ADAMTSL3: variants seen among roughly 807,000 people sequenced by gnomAD.
ADAMTSL3 encodes the protein ADAMTS like 3.
ADAMTSL3 carries 128 observed loss-of-function variants against 201.7 expected under a neutral mutation model. The observed-to-expected ratio is 0.63, with a 90% CI of 0.55 to 0.73. ADAMTSL3 has a LOEUF of 0.73. Ranked by LOEUF, ADAMTSL3 falls within the 30% of genes least tolerant of loss-of-function variation. The pLI, the probability that ADAMTSL3 is intolerant of heterozygous loss-of-function variation, is 0.00. For missense variants in ADAMTSL3, 1,990 were observed against 2,119.6 expected (o/e 0.94, Z 1.20); for synonymous variants, 738 against 748.4 (o/e 0.99, Z 0.23).
chr15:83,704,662 G>T (rs1462181225), intron 3 of ADAMTSL3, among the ~76,000 whole-genome samples, 154 bp downstream of exon 3: 3 of 152,154 alleles, frequency 2.0e-5, no homozygotes, highest in Non-Finnish European at 4.4e-5. Flanking sequence ...AGAATATGTG[G>T]ATTGCCCATG....
At chr15:83,822,039 G>A (rs1339548503) in intron 6 of ADAMTSL3, among the ~76,000 whole-genome samples, 17 of 147,798 alleles carry the variant, frequency 1.2e-4, no homozygotes, top group African/African-American at 3.7e-4. Flanking sequence ...GTGGCTGGCC[G>A]GGCAGAGGGG....
At chr15:84,014,398 A>C (rs998498982) in intron 23 of ADAMTSL3, 144 bp from the exon 24 acceptor site, 12 of 749,700 alleles carry the variant, frequency 1.6e-5, no homozygotes, top group Non-Finnish European at 2.2e-5. Context: ...TAGCTATAGA[A>C]ATAGAAATAG....
intron 6 of ADAMTSL3, among the ~76,000 whole-genome samples, chr15:83,837,278 T>C (rs1425408940): frequency 6.6e-6 from 1 of 151,256 alleles, no homozygotes; most frequent in Admixed American, 6.6e-5. Context: ...AGATAAAGAC[T>C]ATAGACAGAT....
chr15:83,906,083 C>T (rs571086603), intron 15 of ADAMTSL3, among the ~76,000 whole-genome samples: 6 of 152,176 alleles, frequency 3.9e-5, no homozygotes, highest in South Asian at 2.1e-4. Context: ...TTTAAAATGA[C>T]GTCATTGTAC....
chr15:84,018,949 A>G (rs1220008791), intron 25 of ADAMTSL3, among the ~76,000 whole-genome samples: 1 of 152,194 alleles, frequency 6.6e-6, no homozygotes, highest in East Asian at 1.9e-4. Flanking sequence ...ACCAATAAGA[A>G]TAATGAATAC....
rs1203995911 is a variant in ADAMTSL3 at position 83,670,188 on chromosome 15, G to A, written c.69+14358G>A. Among the ~76,000 whole-genome samples, 3 of 146,864 alleles carry A rather than the reference G, an allele frequency of 2.0e-5. No individual in the cohort carries two copies. The East Asian group carries it at 6.1e-4, about 30-fold the overall frequency. ...CAGGAGAATTATTTGAACCTGGGAG[G>A]CAGAGGTTGCAGTGAGCTGAGATTG... is the stretch of plus-strand genomic sequence containing the variant. On this transcript the variant is annotated intron_variant, in intron 2 of 29. Coordinates refer to ENST00000286744, the MANE Select transcript of ADAMTSL3 (RefSeq NM_207517.3).
intron 7 of ADAMTSL3, among the ~76,000 whole-genome samples, chr15:83,851,274 G>A (rs867096124): frequency 4.6e-5 from 7 of 152,130 alleles, no homozygotes; most frequent in Admixed American, 2.6e-4. Flanking sequence ...TTGCCTGGGT[G>A]CTCGGCAGTG....
At chr15:83,675,576 G>A (rs370750227) in intron 2 of ADAMTSL3, among the ~76,000 whole-genome samples, 4 of 148,042 alleles carry the variant, frequency 2.7e-5, no homozygotes, top group East Asian at 2.0e-4. Context: ...AGATATTCAC[G>A]TGCTGTTTTC....
chr15:83,865,916 A>G (rs1217171178), intron 8 of ADAMTSL3, among the ~76,000 whole-genome samples: 1 of 152,240 alleles, frequency 6.6e-6, no homozygotes, highest in East Asian at 1.9e-4. Context: ...CAAATTTACA[A>G]GAAAAAAACA....
At chr15:83,899,843 G>A (rs2065689324) in intron 15 of ADAMTSL3, 112 bp downstream of exon 15, 19 of 1,378,960 alleles carry the variant, frequency 1.4e-5, no homozygotes, top group Non-Finnish European at 1.7e-5. Context: ...AAATGACCTG[G>A]ATTTACAGAC....
intron 17 of ADAMTSL3, among the ~76,000 whole-genome samples, chr15:83,938,762 A>T (rs72748629): frequency 6.6e-6 from 1 of 152,056 alleles, no homozygotes; most frequent in African/African-American, 2.4e-5. Flanking sequence ...TAACTTTCTT[A>T]GTGCTTTAGC....
chr15:83,733,677 C>T (rs1596108949), intron 3 of ADAMTSL3, among the ~76,000 whole-genome samples: 1 of 152,256 alleles, frequency 6.6e-6, no homozygotes, highest in East Asian at 1.9e-4. Flanking sequence ...GAAGCTCTCT[C>T]ATTGTCTGAA....
chr15:83,837,940 A>G (rs977517864), intron 6 of ADAMTSL3, 149 bp from the exon 7 acceptor site: 7 of 914,010 alleles, frequency 7.7e-6, no homozygotes, highest in African/African-American at 3.4e-5. Flanking sequence ...GTAAGACATT[A>G]TATTATTTAG....
intron 17 of ADAMTSL3, among the ~76,000 whole-genome samples, chr15:83,940,045 TA>T (rs1297288496): frequency 1.3e-5 from 2 of 152,198 alleles, no homozygotes; most frequent in East Asian, 3.8e-4. Flanking sequence ...AATGGTTACT[TA>T]GATTATTATT....
intron 19 of ADAMTSL3, among the ~76,000 whole-genome samples, chr15:83,965,769 C>A (rs1172783008): frequency 1.3e-5 from 2 of 152,124 alleles, no homozygotes; most frequent in Admixed American, 1.3e-4. Flanking sequence ...CTGAAATTGA[C>A]CACATACTTG....
At chr15:83,924,114 G>C (rs572436861) in intron 17 of ADAMTSL3, 81 bp downstream of exon 17, 1 of 1,537,200 alleles carries the variant, frequency 6.5e-7, no homozygotes, top group African/African-American at 1.4e-5. Flanking sequence ...CCTAAGTGCA[G>C]ACTTGTGGCT....
At chr15:83,737,578 A>C (rs1161770046) in intron 3 of ADAMTSL3, among the ~76,000 whole-genome samples, 4 of 152,206 alleles carry the variant, frequency 2.6e-5, no homozygotes, top group African/African-American at 9.7e-5. Flanking sequence ...ATGCAGAACT[A>C]TGAGTCAATT....
chr15:83,839,753 A>G (rs1030738686), intron 7 of ADAMTSL3, among the ~76,000 whole-genome samples: 14 of 152,150 alleles, frequency 9.2e-5, no homozygotes, highest in African/African-American at 3.4e-4. Flanking sequence ...AAGAGAAAAG[A>G]AGCAGCTAGA....
chr15:84,014,556 A>C lies in ADAMTSL3; in HGVS notation c.3988A>C (p.Asn1330His), dbSNP rs761414088. ...TTGTTCCAAAGGTGTCCCTCAGCCT[A>C]ATATAACTTGGTTGAAGAGAGGAGG... ...RCPVKGVPQP[N>H]ITWLKRGGSL... The change falls in exon 24 of 30, where the codon AAT becomes CAT. Residue 1330 changes from asparagine to histidine, a missense_variant. Coordinates refer to ENST00000286744, the MANE Select transcript of ADAMTSL3 (RefSeq NM_207517.3). 4.3e-6 allele frequency: 7 copies of C among 1,613,970 alleles called. No individual in the cohort carries two copies. In the Admixed American group the frequency reaches 1.0e-4, roughly 23 times the overall value.
Sources: allele counts gnomAD v4.1 joint callset (sites outside exome capture counted in the v4.1 genomes callset), GRCh38; gene constraint gnomAD v4.1.1; transcripts MANE v1.5; gene names NCBI Gene and HGNC (gene_info 2026-07-23, HGNC 2026-07-21).